The following TCF4 variants were observed in gnomAD, a reference collection of about 807,000 sequenced individuals.
The protein encoded by TCF4 is SL3-3 enhancer factor 2.
Under a neutral mutation model 82.1 loss-of-function variants are expected in TCF4, and 3 were observed. That is an observed-to-expected ratio of 0.04 (90% CI 0.02 to 0.09). TCF4 has a LOEUF of 0.09. TCF4 is among the 10% of genes least tolerant of loss of function. TCF4 has a pLI of 1.00. For synonymous variants in TCF4, 276 were observed against 309.6 expected, an observed-to-expected ratio of 0.89 and a Z score of 1.14; for missense variants, 518 against 852.7, an observed-to-expected ratio of 0.61 and a Z score of 4.89.
chr18:55,605,094 G>A (rs2097701053), intron 2 of TCF4, among the ~76,000 whole-genome samples: 1 of 152,136 alleles, frequency 6.6e-6, no homozygotes, highest in Admixed American at 6.6e-5. Context: ...TCACACAAGA[G>A]CATTCATCTC....
In TCF4 at chr18:55,275,631, T is replaced by C. The variant is rs2059009839; in HGVS notation, c.777A>G (p.Pro259=). Residue 259 remains proline (P), a synonymous_variant, in exon 10 of 20, where the codon CCA becomes CCG. Transcript: ENST00000354452. Reference sequence around the variant, plus strand: ...ATGTCTGCCTTACCAAACGTTCATGTGGATGCAGGCTACAGTAGCTGCTGG... The same window carrying C: ...ATGTCTGCCTTACCAAACGTTCATGCGGATGCAGGCTACAGTAGCTGCTGG... ...PQSSSYCSLH[P]HERLSYPSHS... 10 of 1,613,816 alleles carry C rather than the reference T, an allele frequency of 6.2e-6. No individual in the cohort carries two copies. Among genetic ancestry groups the C allele is most frequent in the Non-Finnish European group, 8.5e-6 (10 of 1,179,764 alleles).
intron 8 of TCF4, among the ~76,000 whole-genome samples, chr18:55,344,706 G>A (rs2080784772): frequency 6.6e-6 from 1 of 152,118 alleles, no homozygotes; most frequent in East Asian, 1.9e-4. Context: ...ACATTGGAGA[G>A]TAGGAAGATA....
chr18:55,359,284 C>A (rs914928509), intron 6 of TCF4, among the ~76,000 whole-genome samples: 4 of 152,148 alleles, frequency 2.6e-5, no homozygotes, highest in Admixed American at 2.6e-4. Context: ...AATTATTTTT[C>A]TTTTTGTTTA....
chr18:55,346,519 G>C (rs2081217095), intron 8 of TCF4, among the ~76,000 whole-genome samples: 1 of 152,110 alleles, frequency 6.6e-6, no homozygotes, highest in Non-Finnish European at 1.5e-5. Flanking sequence ...CTTTAGGAAA[G>C]ATCACTGGAG....
chr18:55,577,213 A>ATAT (rs1568443765), intron 3 of TCF4, among the ~76,000 whole-genome samples: 1 of 17,836 alleles, frequency 5.6e-5, no homozygotes, highest in Non-Finnish European at 9.9e-5. Context: ...TATTTATATA[A>ATAT]ATGTATATAT....
At chr18:55,458,526 TGTC>T (rs1467661172) in intron 5 of TCF4, among the ~76,000 whole-genome samples, 9 of 152,238 alleles carry the variant, frequency 5.9e-5, no homozygotes, top group African/African-American at 2.2e-4. Flanking sequence ...GTAAATTAAT[TGTC>T]GTTAATTTCT....
chr18:55,608,557 C>T (rs2097704343), intron 2 of TCF4, among the ~76,000 whole-genome samples: 2 of 152,060 alleles, frequency 1.3e-5, no homozygotes, highest in Admixed American at 6.5e-5. Flanking sequence ...TTTTTGGTTC[C>T]ACAAAATTCT....
chr18:55,634,574 A>G (rs946255832), intron 1 of TCF4, among the ~76,000 whole-genome samples: 1 of 152,112 alleles, frequency 6.6e-6, no homozygotes, highest in Non-Finnish European at 1.5e-5. Flanking sequence ...GGTCAGAAAG[A>G]TAGTTTGGGC....
chr18:55,534,098 C>A (rs2097094532), intron 3 of TCF4, among the ~76,000 whole-genome samples: 1 of 152,184 alleles, frequency 6.6e-6, no homozygotes, highest in African/African-American at 2.4e-5. Context: ...ATACCTTACA[C>A]ACATGGGCTA....
chr18:55,344,168 T>C (rs575474011), intron 8 of TCF4, among the ~76,000 whole-genome samples: 26 of 152,282 alleles, frequency 1.7e-4, no homozygotes, highest in African/African-American at 5.5e-4. Flanking sequence ...TGAAAACCTT[T>C]AGAATTATTC....
At chr18:55,321,790 A>G in intron 8 of TCF4, 1 of 1,510,510 alleles carries the variant, frequency 6.6e-7, no homozygotes, top group Non-Finnish European at 8.9e-7. Context: ...TTTTATTTCA[A>G]ACTCGCTGTC....
chr18:55,590,365 T>C (rs1358292962), upstream of TCF4, among the ~76,000 whole-genome samples: 3 of 152,224 alleles, frequency 2.0e-5, no homozygotes, highest in African/African-American at 4.8e-5. Flanking sequence ...TATCTTCTTA[T>C]AGAGCGCTGG....
intron 3 of TCF4, among the ~76,000 whole-genome samples, chr18:55,576,560 T>C (rs2097529842): frequency 1.3e-5 from 2 of 152,074 alleles, no homozygotes; most frequent in Admixed American, 6.6e-5. Flanking sequence ...CCTTTCCAGT[T>C]TCTTTCATCT....
At chr18:55,572,101 T>C (rs1183965757) in intron 3 of TCF4, among the ~76,000 whole-genome samples, 1 of 152,140 alleles carries the variant, frequency 6.6e-6, no homozygotes, top group East Asian at 1.9e-4. Flanking sequence ...AGGAGTTTTT[T>C]GCTTGGTATA....
intron 3 of TCF4, among the ~76,000 whole-genome samples, chr18:55,512,473 C>G (rs577964033): frequency 2.4e-4 from 36 of 152,010 alleles, no homozygotes; most frequent in Non-Finnish European, 3.8e-4. Context: ...GCTATCTCCA[C>G]AATGAGGATA....
chr18:55,417,296 T>C (rs1451296679), intron 5 of TCF4, among the ~76,000 whole-genome samples: 2 of 152,196 alleles, frequency 1.3e-5, no homozygotes, highest in Non-Finnish European at 2.9e-5. Context: ...TTTTACCAAA[T>C]GGAGTTTCAA....
chr18:55,589,849 C>T, upstream of TCF4: 2 of 1,002,832 alleles, frequency 2.0e-6, no homozygotes, highest in Non-Finnish European at 2.4e-6. Flanking sequence ...CAGACAATGA[C>T]TGGGAAGGGG....
At chr18:55,456,311 C>G (rs966139724) in intron 5 of TCF4, among the ~76,000 whole-genome samples, 14 of 152,168 alleles carry the variant, frequency 9.2e-5, no homozygotes, top group Non-Finnish European at 1.0e-4. Context: ...AGGTTAGAAC[C>G]CAGCTACCCT....
At chr18:55,417,770 G>T (rs973841900) in intron 5 of TCF4, among the ~76,000 whole-genome samples, 1 of 152,102 alleles carries the variant, frequency 6.6e-6, no homozygotes, top group African/African-American at 2.4e-5. Flanking sequence ...TTACATTAAG[G>T]CAGAGGAAGA....
Sources: gnomAD v4.1 joint callset for allele counts (sites outside exome capture counted in the v4.1 genomes callset) on GRCh38, gnomAD v4.1.1 for gene constraint, MANE v1.5 for transcripts, NCBI Gene and HGNC (gene_info 2026-07-23, HGNC 2026-07-21) for gene names.